SLC2A9: variants seen among roughly 807,000 people sequenced by gnomAD.
The protein encoded by SLC2A9 is solute carrier family 2, facilitated glucose transporter member 9.
SLC2A9 carries 39 observed loss-of-function variants against 50.6 expected under a neutral mutation model. The observed-to-expected ratio is 0.77, with a 90% CI of 0.60 to 1.01. The LOEUF (loss-of-function observed/expected upper bound fraction) is 1.01. SLC2A9 is among the 50% of genes least tolerant of loss of function. The pLI is 0.00. For missense variants in SLC2A9, 686 were observed against 677.6 expected (o/e 1.01, Z -0.14); for synonymous variants, 324 against 276.9 (o/e 1.17, Z -1.69).
intron 6 of SLC2A9, among the ~76,000 whole-genome samples, chr4:9,932,316 T>C (rs906333166): frequency 2.0e-5 from 3 of 151,982 alleles, no homozygotes; most frequent in African/African-American, 4.8e-5. Flanking sequence ...CATGCAACAA[T>C]TATTTAGTAA....
chr4:9,939,760 C>T (rs1577990375), intron 6 of SLC2A9, among the ~76,000 whole-genome samples: 1 of 152,188 alleles, frequency 6.6e-6, no homozygotes, highest in East Asian at 1.9e-4. Flanking sequence ...ACTAGACCTT[C>T]ACCCTCCCTC....
rs1480176847 is a variant in SLC2A9, at chr4:9,920,558, A to G, written c.829T>C (p.Leu277=). 1 of 1,614,178 alleles carries G rather than the reference A, an allele frequency of 6.2e-7. No homozygotes were observed. Among genetic ancestry groups the G allele is most frequent in the South Asian group, 1.1e-5 (1 of 91,088 alleles). ...TCTTGGGAAACGTCTGCTTTACCCA[A>G]GAACGTTTGGAAGGCTGCAAACAGA... is the stretch of plus-strand genomic sequence containing the variant. ...ARAVKAFQTF[L]GKADVSQEVE... The change falls in exon 7 of 12, where the codon TTG becomes CTG. Residue 277 remains leucine (L), a synonymous_variant. Transcript: ENST00000264784.
chr4:9,987,797 C>T (rs1756995184), intron 3 of SLC2A9, among the ~76,000 whole-genome samples: 1 of 151,742 alleles, frequency 6.6e-6, no homozygotes, highest in Non-Finnish European at 1.5e-5. Flanking sequence ...CACCGCACTC[C>T]AACCTGGGTG....
intron 1 of SLC2A9, among the ~76,000 whole-genome samples, chr4:10,020,431 G>A (rs887683348): frequency 6.6e-6 from 1 of 152,146 alleles, no homozygotes; most frequent in Admixed American, 6.5e-5. Context: ...TGCAGAGGAG[G>A]TGCTCCGTAG....
At chr4:9,973,844 T>C (rs899648513) in intron 5 of SLC2A9, among the ~76,000 whole-genome samples, 2 of 145,452 alleles carry the variant, frequency 1.4e-5, no homozygotes, top group Non-Finnish European at 3.0e-5. Context: ...ACATGTACCC[T>C]AAAACTTAAA....
intron 10 of SLC2A9, among the ~76,000 whole-genome samples, chr4:9,869,307 C>A (rs543681725): frequency 2.0e-5 from 3 of 152,310 alleles, no homozygotes; most frequent in Admixed American, 2.0e-4. Context: ...CAGTCCATGC[C>A]TCCTGCTTAA....
chr4:9,799,702 CA>C (rs1327034909), intron 3 of SLC2A9, among the ~76,000 whole-genome samples: 108 of 130,028 alleles, frequency 8.3e-4, no homozygotes, highest in African/African-American at 3.2e-3. Flanking sequence ...ACCCCCCCCC[CA>C]CCCAACTTCT....
chr4:9,942,551 C>A (rs1295488745), intron 5 of SLC2A9, among the ~76,000 whole-genome samples: 3 of 152,184 alleles, frequency 2.0e-5, no homozygotes, highest in Non-Finnish European at 4.4e-5. Context: ...CTCTTGCAGA[C>A]CCCATGGGAG....
chr4:9,798,444 T>A (rs1293833930), downstream of SLC2A9, among the ~76,000 whole-genome samples: 1 of 152,198 alleles, frequency 6.6e-6, no homozygotes, highest in Non-Finnish European at 1.5e-5. Context: ...GGGTTACTTA[T>A]AACCAAATCA....
At position 9,826,516 on chromosome 4, in the gene SLC2A9, T is replaced by A; in HGVS notation, c.1504A>T (p.Thr502Ser). 6.2e-7 allele frequency: 1 copy of A among 1,614,074 alleles called. No homozygotes were observed. Among genetic ancestry groups the A allele is most frequent in the Non-Finnish European group, 8.5e-7 (1 of 1,179,968 alleles). Residue 502 changes from threonine (T) to serine (S), a missense_variant, in exon 12 of 12, where the codon ACC becomes TCC. Thr to Ser is a moderately conservative substitution (Grantham distance 58). Transcript: ENST00000264784. ...AIYLYFVLPE[T>S]KNRTYAEISQ... ...ATTTCTGCATAGGTTCTGTTTTTGG[T>A]CTCAGGCAGCACAAAATACAGGTAG...
At chr4:9,998,922 T>G (rs906391026) in intron 2 of SLC2A9, among the ~76,000 whole-genome samples, 1 of 152,048 alleles carries the variant, frequency 6.6e-6, no homozygotes, top group African/African-American at 2.4e-5. Context: ...TGATTCCATG[T>G]GTAAAACCCA....
downstream of SLC2A9, among the ~76,000 whole-genome samples, chr4:9,825,222 C>T (rs1238657234): frequency 6.6e-6 from 1 of 152,174 alleles, no homozygotes; most frequent in Non-Finnish European, 1.5e-5. Context: ...AACCACAAGC[C>T]ACACATTACG....
intron 10 of SLC2A9, among the ~76,000 whole-genome samples, chr4:9,840,317 C>A (rs970866847): frequency 1.3e-5 from 2 of 152,174 alleles, no homozygotes; most frequent in African/African-American, 2.4e-5. Flanking sequence ...CCTTGGTGGC[C>A]TGATTTCCTA....
intron 10 of SLC2A9, among the ~76,000 whole-genome samples, chr4:9,864,929 G>A (rs575289108): frequency 2.0e-3 from 310 of 152,330 alleles, no homozygotes; most frequent in Non-Finnish European, 3.6e-3. Context: ...CCAGGTCTTG[G>A]CTGGAAGCCA....
At chr4:10,007,929 C>T (rs1305769451) in intron 2 of SLC2A9, among the ~76,000 whole-genome samples, 1 of 152,202 alleles carries the variant, frequency 6.6e-6, no homozygotes, top group African/African-American at 2.4e-5. Context: ...AAGTCCCGAG[C>T]ATGATGTCAG....
At chr4:9,918,795 G>T (rs1172643412) in intron 7 of SLC2A9, among the ~76,000 whole-genome samples, 1 of 152,182 alleles carries the variant, frequency 6.6e-6, no homozygotes, top group African/African-American at 2.4e-5. Flanking sequence ...CCAGAGCTCT[G>T]CTCCAGGTCA....
Position 9,920,462 on chromosome 4 carries a change from T to C in SLC2A9, c.925A>G (p.Arg309Gly). 6.2e-7 allele frequency: 1 copy of C among 1,614,186 alleles called. No individual in the cohort carries two copies. ...ACCTGCCAGCGGACGTAGGGAGCTC[T>C]CAGCAGCTCCAGCACGGACACCAGG... ...IRLVSVLELL[R>G]APYVRWQVVT... Residue 309 changes from arginine (R) to glycine (G), a missense_variant, in exon 7 of 12, where the codon AGA becomes GGA. Transcript: ENST00000264784.
In SLC2A9 at chr4:9,858,156, T is replaced by C. The variant is rs149640725; in HGVS notation, c.1292-23148A>G. Among the ~76,000 whole-genome samples, 697 of 152,222 alleles carry C rather than the reference T, an allele frequency of 4.6e-3. 6 individuals carry two copies. The highest frequency in any genetic ancestry group is 0.016 in the African/African-American group (664 of 41,542). Reference sequence around the variant, plus strand: ...TTGTAAATGGTTCTGAGACACTAAATTGATCTGCATAGGGAAGCACTGAGT... The same window carrying C: ...TTGTAAATGGTTCTGAGACACTAAACTGATCTGCATAGGGAAGCACTGAGT... On this transcript the variant is annotated intron_variant, in intron 10 of 11. Transcript: ENST00000264784.
In SLC2A9 at chr4:9,845,651, C is replaced by T. The variant is rs933012222; in HGVS notation, c.1292-10643G>A. ...TTCACCGTGTTAGCCAGGATGGTCT[C>T]GATCTCCTGACCTCGTGATCCGCCC... On this transcript the variant is annotated intron_variant, in intron 10 of 11. Transcript: ENST00000264784. Among the ~76,000 whole-genome samples, 96 of 142,028 alleles carry T rather than the reference C, an allele frequency of 6.8e-4. No homozygotes were observed. In the Middle Eastern group the frequency reaches 0.013, roughly 19 times the overall value. 93.2% of individuals were successfully genotyped at this position (142,028 alleles called of 152,430 possible).
Sources: gnomAD v4.1 joint callset for allele counts (sites outside exome capture counted in the v4.1 genomes callset) on GRCh38, gnomAD v4.1.1 for gene constraint, MANE v1.5 for transcripts, NCBI Gene and HGNC (gene_info 2026-07-23, HGNC 2026-07-21) for gene names.